The following ADAM9 variants were observed in gnomAD, a reference collection of about 807,000 sequenced individuals.
The protein encoded by ADAM9 is disintegrin and metalloproteinase domain-containing protein 9.
ADAM9 carries 54 observed loss-of-function variants against 108.1 expected under a neutral mutation model. The ratio of observed to expected loss-of-function variants is 0.50; its 90% confidence interval spans 0.40 to 0.63. The LOEUF (loss-of-function observed/expected upper bound fraction) is 0.63, where lower values mean the gene tolerates loss of function less well. Among genes scored for constraint, ADAM9 ranks in the 20% least tolerant of loss-of-function variants. The pLI is 0.00. For missense variants in ADAM9, 830 were observed against 997.7 expected (o/e 0.83, Z 2.26); for synonymous variants, 316 against 336.0 (o/e 0.94, Z 0.65).
At chr8:39,031,015 T>G (rs577339021) in intron 11 of ADAM9, among the ~76,000 whole-genome samples, 2 of 152,388 alleles carry the variant, frequency 1.3e-5, no homozygotes, top group African/African-American at 4.8e-5. Flanking sequence ...AAATATTTTC[T>G]ACTAGTCTGC....
At position 39,061,738 on chromosome 8, in the gene ADAM9, C is replaced by T. The variant is rs544238131; in HGVS notation, c.1591+5966C>T. On this transcript the variant is annotated intron_variant, in intron 14 of 21. Coordinates refer to ENST00000487273, the MANE Select transcript of ADAM9 (RefSeq NM_003816.3). ...GGGCAAGAGACGAAGTGGGGCCAAA[C>T]GCACCCTTTTATAACAATATTAATC... is the stretch of plus-strand genomic sequence containing the variant. 5.3e-5 allele frequency among the ~76,000 whole-genome samples: 8 copies of T among 152,058 alleles called. No individual in the cohort carries two copies. In the South Asian group the frequency reaches 1.2e-3, roughly 24 times the overall value.
At chr8:39,079,793 C>T (rs1838963680) in intron 16 of ADAM9, among the ~76,000 whole-genome samples, 1 of 152,128 alleles carries the variant, frequency 6.6e-6, no homozygotes, top group Non-Finnish European at 1.5e-5. Context: ...CCATATTGGC[C>T]AGACTGGTCT....
At chr8:39,089,662 A>G (rs1051363300) in intron 18 of ADAM9, 6 of 235,102 alleles carry the variant, frequency 2.6e-5, no homozygotes, top group South Asian at 1.8e-4. Flanking sequence ...CATCTTCACA[A>G]TGGAGTTTCA....
chr8:39,085,535 G>A (rs924559622), intron 18 of ADAM9, among the ~76,000 whole-genome samples: 22 of 151,974 alleles, frequency 1.4e-4, no homozygotes, highest in Admixed American at 5.2e-4. Flanking sequence ...AATATTTTTA[G>A]CTTTTGTATG....
intron 12 of ADAM9, 21 bp downstream of exon 12, chr8:39,042,138 T>C: frequency 6.2e-7 from 1 of 1,613,846 alleles, no homozygotes; most frequent in Non-Finnish European, 8.5e-7. Flanking sequence ...TTTTTGACTT[T>C]TGCCTTGTAA....
intron 14 of ADAM9, among the ~76,000 whole-genome samples, chr8:39,068,129 G>A (rs1022298349): frequency 1.3e-5 from 2 of 151,954 alleles, no homozygotes; most frequent in Non-Finnish European, 2.9e-5. Context: ...CTTTGTTTGA[G>A]TTTCCATCTT....
At chr8:39,036,589 A>G (rs1378621157) in intron 11 of ADAM9, among the ~76,000 whole-genome samples, 1 of 152,190 alleles carries the variant, frequency 6.6e-6, no homozygotes, top group Non-Finnish European at 1.5e-5. Flanking sequence ...GCTATAAATC[A>G]TTAATATTGT....
chr8:39,021,094 A>G (rs1397416487), intron 7 of ADAM9, among the ~76,000 whole-genome samples: 1 of 152,208 alleles, frequency 6.6e-6, no homozygotes, highest in Non-Finnish European at 1.5e-5. Context: ...ACTAATTTGG[A>G]TAAAATGAAG....
chr8:39,103,840 G>T lies in ADAM9; in HGVS notation c.*140G>T. 1.3e-6 allele frequency: 1 copy of T among 795,812 alleles called. No individual in the cohort carries two copies. The highest frequency in any genetic ancestry group is 2.0e-5 in the Admixed American group (1 of 50,368). 49.3% of individuals were successfully genotyped at this position (795,812 alleles called of 1,614,324 possible). A position where few individuals can be genotyped will look rare whatever the true frequency, so the allele number is the denominator to read the frequency against. On this transcript the variant is annotated 3_prime_UTR_variant, in exon 22 of 22. Coordinates refer to ENST00000487273, the MANE Select transcript of ADAM9 (RefSeq NM_003816.3). The stretch of plus-strand genomic sequence containing the variant: ...CCACAAAACAGACTTCACTAACACA[G>T]AAAAACAGAAACTGAGTGTGAGAGT...
At chr8:39,063,237 C>G (rs1311075610) in intron 14 of ADAM9, among the ~76,000 whole-genome samples, 1 of 152,118 alleles carries the variant, frequency 6.6e-6, no homozygotes, top group Admixed American at 6.5e-5. Flanking sequence ...AGTATTTCAC[C>G]TTTAGGGGCA....
chr8:39,089,951 A>G (rs1248814126), intron 18 of ADAM9, 96 bp from the exon 19 acceptor site: 1 of 1,283,012 alleles, frequency 7.8e-7, no homozygotes, highest in African/African-American at 1.5e-5. Context: ...TTGATTTTTG[A>G]GTAATGTGAA....
At chr8:39,058,250 T>A (rs111803168) in intron 14 of ADAM9, among the ~76,000 whole-genome samples, 1 of 152,202 alleles carries the variant, frequency 6.6e-6, no homozygotes, top group Admixed American at 6.5e-5. Context: ...CACACACACA[T>A]ACACACATGC....
Position 39,043,818 on chromosome 8 carries a change from A to T in ADAM9, c.1302+1701A>T, listed in dbSNP as rs147409411. Among the ~76,000 whole-genome samples, 773 of 151,760 alleles carry T rather than the reference A, an allele frequency of 5.1e-3. 5 individuals carry two copies. The highest frequency in any genetic ancestry group is 0.018 in the African/African-American group (736 of 41,368). On this transcript the variant is annotated intron_variant, in intron 12 of 21. Transcript: ENST00000487273. ...TGGGGTCTCCAGTGTCTGTTATTCC[A>T]CTCTGTACATCCATGAATACTGATT...
chr8:39,099,507 C>T (rs1385384604), intron 20 of ADAM9, among the ~76,000 whole-genome samples: 2 of 152,044 alleles, frequency 1.3e-5, no homozygotes, highest in Admixed American at 6.5e-5. Flanking sequence ...TTTTAATAAC[C>T]GCATGCTGTT....
chr8:39,092,331 TACACAC>T (rs71552833), intron 20 of ADAM9, among the ~76,000 whole-genome samples: 3 of 148,700 alleles, frequency 2.0e-5, no homozygotes, highest in Admixed American at 1.3e-4. Flanking sequence ...AATATATTTA[TACACAC>T]ACACACACAC....
chr8:39,057,748 C>T (rs530043654), intron 14 of ADAM9, among the ~76,000 whole-genome samples: 54 of 152,220 alleles, frequency 3.5e-4, no homozygotes, highest in African/African-American at 7.7e-4. Context: ...GGATGGGGCC[C>T]ACCTCCAATA....
chr8:39,093,134 A>G (rs563944205), intron 20 of ADAM9, among the ~76,000 whole-genome samples: 2 of 152,110 alleles, frequency 1.3e-5, no homozygotes, highest in East Asian at 1.9e-4. Context: ...CTATTGTTAC[A>G]AAAATTGTCA....
chr8:39,012,509 C>T (rs1039872879), intron 3 of ADAM9, among the ~76,000 whole-genome samples: 2 of 152,226 alleles, frequency 1.3e-5, no homozygotes, highest in African/African-American at 2.4e-5. Context: ...ATGTTTATTG[C>T]GGCACTATTC....
chr8:39,095,562 T>A (rs1245096287), intron 20 of ADAM9, among the ~76,000 whole-genome samples: 1 of 152,206 alleles, frequency 6.6e-6, no homozygotes, highest in Non-Finnish European at 1.5e-5. Flanking sequence ...TTATTTGTCC[T>A]GGAGAATGTT....
Sources: gnomAD v4.1 joint callset for allele counts (sites outside exome capture counted in the v4.1 genomes callset) on GRCh38, gnomAD v4.1.1 for gene constraint, MANE v1.5 for transcripts, NCBI Gene and HGNC (gene_info 2026-07-23, HGNC 2026-07-21) for gene names.